The following ADAM9 variants were observed in gnomAD, a reference collection of about 807,000 sequenced individuals.
The protein encoded by ADAM9 is disintegrin and metalloproteinase domain-containing protein 9.
A neutral mutation model predicts 108.1 loss-of-function variants in ADAM9; 54 were observed. That is an observed-to-expected ratio of 0.50 (90% confidence interval 0.40 to 0.63). The LOEUF is 0.63. ADAM9 is among the 20% of genes least tolerant of loss of function. ADAM9 has a pLI of 0.00. For missense variants in ADAM9, 830 were observed against 997.7 expected, an observed-to-expected ratio of 0.83 and a Z score of 2.26; for synonymous variants, 316 against 336.0, an observed-to-expected ratio of 0.94 and a Z score of 0.65.
In ADAM9 at chr8:39,068,724, G is replaced by A. The variant is rs1588407080; in HGVS notation, c.1592-2574G>A. 3.1e-5 allele frequency among the ~76,000 whole-genome samples: 4 copies of A among 127,154 alleles called. No individual in the cohort carries two copies. In the South Asian group the frequency reaches 1.1e-3, roughly 34 times the overall value. The allele number at this position is 127,154 out of a possible 152,430, so 83.4% of individuals were successfully genotyped here. A position where few individuals can be genotyped will look rare whatever the true frequency, so the allele number is the denominator to read the frequency against. On this transcript the variant is annotated intron_variant, in intron 14 of 21. Transcript: ENST00000487273. ...AAAAAAAAAAAAAAAAGACCTGACT[G>A]TCAGCATTCTGGGAGGGAAACAGGA...
chr8:39,061,883 A>G (rs1838310476), intron 14 of ADAM9, among the ~76,000 whole-genome samples: 3 of 152,150 alleles, frequency 2.0e-5, no homozygotes, highest in South Asian at 2.1e-4. Flanking sequence ...CATTTAAACC[A>G]TATCTGGCTG....
Position 39,077,778 on chromosome 8 carries a change from C to A in ADAM9, c.1881+367C>A, listed in dbSNP as rs140623694. 4.8e-4 allele frequency among the ~76,000 whole-genome samples: 73 copies of A among 152,266 alleles called. No homozygotes were observed. In the East Asian group the frequency reaches 0.014, roughly 29 times the overall value. On this transcript the variant is annotated intron_variant, in intron 16 of 21. Transcript: ENST00000487273. ...GAGCTTGTCCTGCCCATGTTCCTGA[C>A]CACCTGAGCTCTGCTGTTTGGATTA... is the stretch of plus-strand genomic sequence containing the variant.
rs748664146 is a variant in ADAM9 at position 39,016,129 on chromosome 8, T to G, written c.345T>G (p.His115Gln). ...TDHPNIQNHC[H>Q]YRGYVEGVHN... ...TATTTTTCATTTAGAATCATTGTCA[T>G]TATCGGGGCTATGTGGAGGGAGTTC... Residue 115 changes from histidine to glutamine, a missense_variant, in exon 5 of 22, where the codon CAT becomes CAG. Transcript: ENST00000487273. 6.2e-7 allele frequency: 1 copy of G among 1,613,624 alleles called. No homozygotes were observed. The highest frequency in any genetic ancestry group is 8.5e-7 in the Non-Finnish European group (1 of 1,179,704).
chr8:39,017,951 A>G (rs1836597347), intron 6 of ADAM9, among the ~76,000 whole-genome samples: 1 of 152,228 alleles, frequency 6.6e-6, no homozygotes, highest in Admixed American at 6.5e-5. Context: ...CTTGAACCCT[A>G]GATTGGAAAA....
chr8:39,046,784 T>C (rs1205016976), intron 12 of ADAM9, among the ~76,000 whole-genome samples: 1 of 152,096 alleles, frequency 6.6e-6, no homozygotes. Context: ...AATTTTTTTT[T>C]TTTTGAGACA....
chr8:39,032,126 C>T (rs1020965425), intron 11 of ADAM9, among the ~76,000 whole-genome samples: 2 of 152,262 alleles, frequency 1.3e-5, no homozygotes, highest in Non-Finnish European at 2.9e-5. Context: ...ACATGGGTGT[C>T]AGGGACCCAC....
At chr8:38,998,455 G>A (rs1185858468) in intron 1 of ADAM9, among the ~76,000 whole-genome samples, 10 of 152,098 alleles carry the variant, frequency 6.6e-5, no homozygotes, top group Non-Finnish European at 1.3e-4. Context: ...AATATAAATT[G>A]TCAGTCATTA....
intron 1 of ADAM9, among the ~76,000 whole-genome samples, chr8:39,006,717 T>A (rs1836174696): frequency 6.6e-6 from 1 of 151,902 alleles, no homozygotes; most frequent in African/African-American, 2.4e-5. Context: ...CAATTTCAAT[T>A]CAAGTGATGA....
intron 14 of ADAM9, 137 bp downstream of exon 14, chr8:39,055,909 G>A: frequency 1.1e-6 from 1 of 893,292 alleles, no homozygotes; most frequent in Non-Finnish European, 1.7e-6. Context: ...CTTCTTTGGA[G>A]GCAGTCATGA....
At chr8:39,001,998 T>G (rs1209032859) in intron 1 of ADAM9, among the ~76,000 whole-genome samples, 1 of 149,676 alleles carries the variant, frequency 6.7e-6, no homozygotes, top group South Asian at 2.1e-4. Context: ...CGGTATGTAT[T>G]TATCTGGAAT....
At chr8:39,075,333 A>G (rs1307765092) in intron 15 of ADAM9, among the ~76,000 whole-genome samples, 3 of 152,196 alleles carry the variant, frequency 2.0e-5, no homozygotes, top group Admixed American at 6.5e-5. Flanking sequence ...ACTAAGTGGC[A>G]ATGACCAGAT....
Position 39,104,555 on chromosome 8 carries a change from TTCAA to T in ADAM9, c.*861_*864del, listed in dbSNP as rs1386361013. 1 of 396,490 alleles carries T rather than the reference TTCAA, an allele frequency of 2.5e-6. No individual in the cohort carries two copies. The allele number at this position is 396,490 out of a possible 1,614,324, so 24.6% of individuals were successfully genotyped here. On this transcript the variant is annotated 3_prime_UTR_variant, in exon 22 of 22. Transcript: ENST00000487273. ...ATAAAGCAGGAGCAATTATAAAATCTTCAATCAATTGAACTTTTACAAAACCACT... is the reference window on the plus strand; with the variant it reads ...ATAAAGCAGGAGCAATTATAAAATCTTCAATTGAACTTTTACAAAACCACT...
chr8:39,022,560 C>T (rs535885699), intron 8 of ADAM9, among the ~76,000 whole-genome samples: 1 of 152,238 alleles, frequency 6.6e-6, no homozygotes, highest in African/African-American at 2.4e-5. Flanking sequence ...AATGGGCTTG[C>T]ATTATATCAG....
intron 8 of ADAM9, among the ~76,000 whole-genome samples, chr8:39,022,153 C>G (rs564794301): frequency 1.3e-5 from 2 of 150,990 alleles, no homozygotes; most frequent in Admixed American, 1.3e-4. Flanking sequence ...TTTTGGAGTT[C>G]ATCCGGTGGG....
chr8:39,008,699 C>T (rs7838874), intron 2 of ADAM9, among the ~76,000 whole-genome samples: 45,030 of 151,830 alleles, frequency 0.3, 6,784 homozygotes, highest in Non-Finnish European at 0.33. Context: ...TCTTCACTGA[C>T]GGTGGAGAGT....
At chr8:39,037,944 A>G (rs1051430691) in intron 11 of ADAM9, among the ~76,000 whole-genome samples, 4 of 152,182 alleles carry the variant, frequency 2.6e-5, no homozygotes, top group African/African-American at 7.2e-5. Context: ...AGTCTTCCCC[A>G]TGTGAATTAA....
Position 39,090,142 on chromosome 8 carries a change from C to G in ADAM9, c.2164C>G (p.Gln722Glu), listed in dbSNP as rs1839305671. The change falls in exon 19 of 22, where the codon CAA becomes GAA. Residue 722 changes from glutamine (Q) to glutamate (E), a missense_variant. Coordinates refer to ENST00000487273, the MANE Select transcript of ADAM9 (RefSeq NM_003816.3). Reference protein sequence around the residue: ...CAIFIFIKRDQLWRSYFRKKR... With the variant: ...CAIFIFIKRDELWRSYFRKKR... ...TATTTTTATCTTCATCAAGAGGGAT[C>G]AACTGTGGAGAAGCTACTTCAGAAA... The G allele has an allele frequency of 1.9e-6, 3 of 1,613,864 alleles. No homozygotes were observed. The highest frequency in any genetic ancestry group is 2.5e-6 in the Non-Finnish European group (3 of 1,179,896).
At chr8:39,024,581 C>T (rs1836860510) in intron 9 of ADAM9, among the ~76,000 whole-genome samples, 1 of 152,148 alleles carries the variant, frequency 6.6e-6, no homozygotes, top group African/African-American at 2.4e-5. Context: ...TTGTCAATCT[C>T]CTTATGTCAG....
At chr8:39,082,541 A>C in intron 16 of ADAM9, 100 bp from the exon 17 acceptor site, 5 of 848,508 alleles carry the variant, frequency 5.9e-6, no homozygotes, top group Non-Finnish European at 9.3e-6. Flanking sequence ...GTTTGAAAGA[A>C]TTCTGCAATG....
Sources: gnomAD v4.1 joint callset for allele counts (sites outside exome capture counted in the v4.1 genomes callset) on GRCh38, gnomAD v4.1.1 for gene constraint, MANE v1.5 for transcripts, NCBI Gene and HGNC (gene_info 2026-07-23, HGNC 2026-07-21) for gene names.